Variants in DCC observed in about 807,000 individuals in gnomAD.
The protein encoded by DCC is DCC netrin 1 receptor.
DCC carries 58 observed loss-of-function variants against 172.5 expected under a neutral mutation model. The observed-to-expected ratio is 0.34, with a 90% CI of 0.27 to 0.42. The LOEUF (loss-of-function observed/expected upper bound fraction) is 0.42, where lower values mean the gene tolerates loss of function less well. DCC is among the 10% of genes least tolerant of loss of function. The pLI, the probability that DCC is intolerant of heterozygous loss-of-function variation, is 1.00. For missense variants in DCC, 1,740 were observed against 1,791.0 expected (o/e 0.97, Z 0.51); for synonymous variants, 709 against 644.5 (o/e 1.10, Z -1.52).
intron 1 of DCC, among the ~76,000 whole-genome samples, chr18:52,613,176 T>C (rs935166940): frequency 1.3e-5 from 2 of 152,254 alleles, no homozygotes; most frequent in Non-Finnish European, 2.9e-5. Context: ...CATGGGATGA[T>C]CACAACAGAT....
chr18:52,633,839 T>A (rs1258537597), intron 1 of DCC, among the ~76,000 whole-genome samples: 2 of 152,132 alleles, frequency 1.3e-5, no homozygotes, highest in African/African-American at 4.8e-5. Context: ...TGAAAACATA[T>A]AAGGCACTAG....
intron 13 of DCC, among the ~76,000 whole-genome samples, chr18:53,309,835 A>G (rs1337792207): frequency 6.6e-6 from 1 of 151,784 alleles, no homozygotes; most frequent in Non-Finnish European, 1.5e-5. Flanking sequence ...TTCATGAGTT[A>G]TAATAAAGCA....
At chr18:52,691,307 C>T (rs2035927090) in intron 1 of DCC, among the ~76,000 whole-genome samples, 1 of 152,030 alleles carries the variant, frequency 6.6e-6, no homozygotes, top group South Asian at 2.1e-4. Context: ...CTCACTTGTC[C>T]CCCAACATAA....
intron 2 of DCC, among the ~76,000 whole-genome samples, chr18:52,761,774 A>G (rs1348662228): frequency 6.6e-6 from 1 of 151,944 alleles, no homozygotes; most frequent in African/African-American, 2.4e-5. Context: ...CCTTGTTTGA[A>G]AAATTCCCTC....
intron 1 of DCC, among the ~76,000 whole-genome samples, chr18:52,622,246 G>T (rs2034493821): frequency 6.6e-6 from 1 of 152,140 alleles, no homozygotes; most frequent in Non-Finnish European, 1.5e-5. Context: ...CAAGGTTCTG[G>T]AAATGGAGTT....
At chr18:52,813,027 T>C (rs2038229418) in intron 2 of DCC, among the ~76,000 whole-genome samples, 1 of 152,170 alleles carries the variant, frequency 6.6e-6, no homozygotes, top group Non-Finnish European at 1.5e-5. Flanking sequence ...ACACATGGCT[T>C]CTGAAACTCC....
intron 3 of DCC, among the ~76,000 whole-genome samples, chr18:52,920,146 A>C (rs866935380): frequency 2.0e-4 from 31 of 152,250 alleles, no homozygotes; most frequent in African/African-American, 7.0e-4. Flanking sequence ...AAATATAGGT[A>C]AGCAAATTTG....
chr18:53,033,880 G>C (rs1230426346), intron 5 of DCC, among the ~76,000 whole-genome samples: 1 of 152,014 alleles, frequency 6.6e-6, no homozygotes, highest in Non-Finnish European at 1.5e-5. Context: ...CCAATGACCT[G>C]TATGGTTATT....
chr18:52,507,850 C>T (rs2031288010), intron 1 of DCC, among the ~76,000 whole-genome samples: 1 of 152,112 alleles, frequency 6.6e-6, no homozygotes, highest in Non-Finnish European at 1.5e-5. Flanking sequence ...CCTGTAATCC[C>T]AGCTCTTTGG....
At chr18:52,921,326 T>G (rs36139175) in intron 3 of DCC, among the ~76,000 whole-genome samples, 59,650 of 151,906 alleles carry the variant, frequency 0.39, 12,300 homozygotes, top group Non-Finnish European at 0.47. Flanking sequence ...TCAACTGTTT[T>G]GTAAATAAAA....
intron 25 of DCC, among the ~76,000 whole-genome samples, chr18:53,477,339 A>G (rs1192181183): frequency 6.6e-6 from 1 of 152,210 alleles, no homozygotes; most frequent in Non-Finnish European, 1.5e-5. Context: ...TTGATAAAAT[A>G]GCCCTTTGCA....
At chr18:53,379,315 C>T (rs1907545391) in intron 15 of DCC, among the ~76,000 whole-genome samples, 1 of 152,228 alleles carries the variant, frequency 6.6e-6, no homozygotes, top group Non-Finnish European at 1.5e-5. Flanking sequence ...ATGGATGAGG[C>T]CAGTGAGTGA....
intron 2 of DCC, among the ~76,000 whole-genome samples, chr18:52,898,155 C>T (rs936880843): frequency 2.0e-5 from 3 of 152,220 alleles, no homozygotes; most frequent in African/African-American, 7.2e-5. Flanking sequence ...TATTACCACA[C>T]TGCTGAATAT....
intron 27 of DCC, among the ~76,000 whole-genome samples, chr18:53,500,913 T>C (rs1419237224): frequency 6.6e-6 from 1 of 152,064 alleles, no homozygotes; most frequent in Non-Finnish European, 1.5e-5. Flanking sequence ...ACTCCACACA[T>C]ACTACATTAT....
intron 1 of DCC, among the ~76,000 whole-genome samples, chr18:52,489,891 A>G (rs2030418538): frequency 6.6e-6 from 1 of 152,148 alleles, no homozygotes; most frequent in Admixed American, 6.6e-5. Flanking sequence ...TTTTATATGC[A>G]GCTTCTACAG....
intron 15 of DCC, among the ~76,000 whole-genome samples, chr18:53,358,532 T>C (rs1047067392): frequency 3.0e-5 from 4 of 133,034 alleles, no homozygotes; most frequent in Admixed American, 7.5e-5. Context: ...CTCTCTCTCT[T>C]TTTTTTTTTT....
chr18:52,795,649 GTTTTC>G (rs1165010693), intron 2 of DCC, among the ~76,000 whole-genome samples: 3 of 151,576 alleles, frequency 2.0e-5, no homozygotes, highest in Non-Finnish European at 4.4e-5. Flanking sequence ...ATTTTGTTCT[GTTTTC>G]TTATTTTTTC....
intron 2 of DCC, among the ~76,000 whole-genome samples, chr18:52,866,360 G>C (rs2039229044): frequency 6.6e-6 from 1 of 152,126 alleles, no homozygotes; most frequent in African/African-American, 2.4e-5. Context: ...GCTTAGGATT[G>C]TCTTGGCTAA....
At chr18:53,360,693 G>A (rs1206527972) in intron 15 of DCC, among the ~76,000 whole-genome samples, 2 of 152,062 alleles carry the variant, frequency 1.3e-5, no homozygotes, top group Non-Finnish European at 2.9e-5. Context: ...ACCCTTACAC[G>A]TCATTATGTC....
Sources: allele counts gnomAD v4.1 joint callset (sites outside exome capture counted in the v4.1 genomes callset), GRCh38; gene constraint gnomAD v4.1.1; transcripts MANE v1.5; gene names NCBI Gene and HGNC (gene_info 2026-07-23, HGNC 2026-07-21).